SACM1L: variants seen among roughly 807,000 people sequenced by gnomAD.
SACM1L encodes the protein phosphatidylinositol-3-phosphatase SAC1.
In SACM1L, 32 loss-of-function variants were observed where a neutral mutation model predicts 89.5. The observed-to-expected ratio is 0.36, with a 90% CI of 0.27 to 0.48. The LOEUF (loss-of-function observed/expected upper bound fraction) is 0.48. Ranked by LOEUF, SACM1L falls within the 20% of genes least tolerant of loss-of-function variation. The probability of loss-of-function intolerance (pLI) is 0.99; values close to 1 mark genes in which losing one functional copy is unlikely to be tolerated. For missense variants in SACM1L, 543 were observed against 708.5 expected, an observed-to-expected ratio of 0.77 and a Z score of 2.65; for synonymous variants, 213 against 232.8, an observed-to-expected ratio of 0.92 and a Z score of 0.77.
At chr3:45,738,942 C>A in intron 18 of SACM1L, 69 bp downstream of exon 18, 1 of 939,438 alleles carries the variant, frequency 1.1e-6, no homozygotes, top group South Asian at 1.5e-5. Flanking sequence ...TGGTTTCAGT[C>A]TCAATTTAAA....
In SACM1L at chr3:45,722,124, C is replaced by G. The variant is rs755849652; in HGVS notation, c.765+39C>G. ...TCTGTTAGGCAGTCAGCGAGTTGGC[C>G]TTTTCTGCTTGGATTATAATTTTCT... On this transcript the variant is annotated intron_variant, in intron 9 of 19. Coordinates refer to ENST00000389061, the MANE Select transcript of SACM1L (RefSeq NM_014016.5). 3 of 1,199,908 alleles carry G rather than the reference C, an allele frequency of 2.5e-6. No individual in the cohort carries two copies. The East Asian group carries it at 7.6e-5, about 30-fold the overall frequency. 74.3% of individuals were successfully genotyped at this position (1,199,908 alleles called of 1,614,324 possible).
chr3:45,729,388 T>A (rs772539838), intron 11 of SACM1L, among the ~76,000 whole-genome samples: 1 of 152,156 alleles, frequency 6.6e-6, no homozygotes, highest in African/African-American at 2.4e-5. Flanking sequence ...CCCAGCCTGT[T>A]GGAAATTTTT....
chr3:45,715,908 C>G (rs913761599), intron 7 of SACM1L, among the ~76,000 whole-genome samples: 5 of 151,550 alleles, frequency 3.3e-5, no homozygotes, highest in African/African-American at 1.2e-4. Flanking sequence ...GATTATAGAA[C>G]CTTTTTTTCT....
chr3:45,743,907 C>T lies in SACM1L; in HGVS notation c.*238C>T, dbSNP rs1699370789. 1 of 342,402 alleles carries T rather than the reference C, an allele frequency of 2.9e-6. No individual in the cohort carries two copies. The highest frequency in any genetic ancestry group is 1.1e-4 in the South Asian group (1 of 9,328). 21.2% of individuals were successfully genotyped at this position (342,402 alleles called of 1,614,324 possible). ...AGCTATTCTGTAATTAAAATATAAC[C>T]TGAATTCAGCTTGCAGAATGGAAGC... On this transcript the variant is annotated 3_prime_UTR_variant, in exon 20 of 20. Coordinates refer to ENST00000389061, the MANE Select transcript of SACM1L (RefSeq NM_014016.5).
chr3:45,737,513 G>C lies in SACM1L; in HGVS notation c.1240-70G>C. Reference sequence around the variant, plus strand: ...CACCATGAGATAAAATTTGGGGACTGCTTTTTCTTCCTAAACCATGTCTGC... The same window carrying C: ...CACCATGAGATAAAATTTGGGGACTCCTTTTTCTTCCTAAACCATGTCTGC... On this transcript the variant is annotated intron_variant, in intron 14 of 19. Coordinates refer to ENST00000389061, the MANE Select transcript of SACM1L (RefSeq NM_014016.5). The C allele has an allele frequency of 1.9e-5, 28 of 1,456,666 alleles. No homozygotes were observed. In the South Asian group the frequency reaches 3.4e-4, roughly 18 times the overall value. 90.2% of individuals were successfully genotyped at this position (1,456,666 alleles called of 1,614,324 possible). A position where few individuals can be genotyped will look rare whatever the true frequency, so the allele number is the denominator to read the frequency against.
At chr3:45,729,156 G>A (rs959543714) in intron 11 of SACM1L, among the ~76,000 whole-genome samples, 4 of 151,820 alleles carry the variant, frequency 2.6e-5, no homozygotes, top group African/African-American at 7.3e-5. Flanking sequence ...GCACAATCTC[G>A]GCTCACTGCA....
At chr3:45,735,046 C>A in intron 13 of SACM1L, 189 bp from the exon 14 acceptor site, 1 of 465,910 alleles carries the variant, frequency 2.1e-6, no homozygotes, top group East Asian at 3.5e-5. Context: ...GGAGGGCTGT[C>A]TTGCCTCAGC....
chr3:45,694,273 A>C (rs1698070519), intron 1 of SACM1L, among the ~76,000 whole-genome samples: 1 of 152,120 alleles, frequency 6.6e-6, no homozygotes, highest in African/African-American at 2.4e-5. Flanking sequence ...TCTGAAGAGT[A>C]CTGTTTCCTC....
chr3:45,734,113 A>ATT (rs377501431), intron 13 of SACM1L, among the ~76,000 whole-genome samples: 2,825 of 132,016 alleles, frequency 0.021, 141 homozygotes, highest in African/African-American at 0.077. Context: ...CCATTTAAGA[A>ATT]TTTTTTTTTT....
At chr3:45,724,241 C>A (rs924001446) in intron 11 of SACM1L, among the ~76,000 whole-genome samples, 1 of 151,472 alleles carries the variant, frequency 6.6e-6, no homozygotes, top group African/African-American at 2.4e-5. Context: ...GTATTCCCAC[C>A]AACAATACAC....
Position 45,744,809 on chromosome 3 carries a change from T to C in SACM1L, c.*1140T>C, listed in dbSNP as rs569578755. 6.6e-6 allele frequency: 1 copy of C among 151,960 alleles called. No individual in the cohort carries two copies. Among genetic ancestry groups the C allele is most frequent in the South Asian group, 2.1e-4 (1 of 4,796 alleles). 9.4% of individuals were successfully genotyped at this position (151,960 alleles called of 1,614,324 possible). ...AAATTGTAATTAAGAGATTTAAATA[T>C]TAGAACGGTATGTAAGGTAGTATAA... On this transcript the variant is annotated 3_prime_UTR_variant, in exon 20 of 20. Coordinates refer to ENST00000389061, the MANE Select transcript of SACM1L (RefSeq NM_014016.5).
At chr3:45,705,867 T>G (rs1325914682) in intron 3 of SACM1L, among the ~76,000 whole-genome samples, 1 of 152,234 alleles carries the variant, frequency 6.6e-6, no homozygotes, top group Non-Finnish European at 1.5e-5. Flanking sequence ...CCTGTAGTAA[T>G]AGGACATAGT....
intron 11 of SACM1L, among the ~76,000 whole-genome samples, chr3:45,726,641 C>G (rs1330695018): frequency 3.9e-5 from 6 of 151,922 alleles, no homozygotes. Flanking sequence ...TTTTGTTGAT[C>G]TTTTCAAAGT....
At chr3:45,743,455 A>G in intron 19 of SACM1L, 78 bp from the exon 20 acceptor site, 1 of 1,459,898 alleles carries the variant, frequency 6.8e-7, no homozygotes, top group South Asian at 1.4e-5. Flanking sequence ...AATGTTGCCA[A>G]AATGTGCTAA....
At chr3:45,728,095 G>A (rs929458919) in intron 11 of SACM1L, among the ~76,000 whole-genome samples, 2 of 152,126 alleles carry the variant, frequency 1.3e-5, no homozygotes, top group Non-Finnish European at 2.9e-5. Flanking sequence ...TCTGATACTA[G>A]TGTAGTTATT....
At chr3:45,701,651 A>G (rs1361085032) in intron 1 of SACM1L, among the ~76,000 whole-genome samples, 1 of 152,248 alleles carries the variant, frequency 6.6e-6, no homozygotes, top group African/African-American at 2.4e-5. Context: ...ACACATGGAA[A>G]AGGGAAGTGT....
intron 7 of SACM1L, among the ~76,000 whole-genome samples, chr3:45,718,594 T>C (rs1195446298): frequency 6.6e-6 from 1 of 152,372 alleles, no homozygotes; most frequent in East Asian, 1.9e-4. Context: ...ACCAGCATCC[T>C]GTTTCCATCA....
At chr3:45,710,782 C>G (rs529356812) in intron 5 of SACM1L, among the ~76,000 whole-genome samples, 5 of 152,074 alleles carry the variant, frequency 3.3e-5, no homozygotes, top group Non-Finnish European at 7.4e-5. Flanking sequence ...AGTTGACTGG[C>G]TTTTTTGGGT....
intron 1 of SACM1L, among the ~76,000 whole-genome samples, chr3:45,693,228 T>C (rs1042536136): frequency 6.6e-6 from 1 of 152,200 alleles, no homozygotes; most frequent in African/African-American, 2.4e-5. Context: ...AGTCTGTCGT[T>C]GACCAAAGCA....
Sources: gnomAD v4.1 joint callset for allele counts (sites outside exome capture counted in the v4.1 genomes callset) on GRCh38, gnomAD v4.1.1 for gene constraint, MANE v1.5 for transcripts, NCBI Gene and HGNC (gene_info 2026-07-23, HGNC 2026-07-21) for gene names.